ASPH: variants seen among roughly 807,000 people sequenced by gnomAD.
ASPH encodes the protein aspartyl/asparaginyl beta-hydroxylase.
ASPH carries 100 observed loss-of-function variants against 118.4 expected under a neutral mutation model. The ratio of observed to expected loss-of-function variants is 0.84; its 90% CI spans 0.72 to 1.00. The LOEUF (loss-of-function observed/expected upper bound fraction) is 1.00. Among genes scored for constraint, ASPH ranks in the 50% least tolerant of loss-of-function variants. ASPH has a pLI of 0.00. For missense variants in ASPH, 920 were observed against 919.5 expected (o/e 1.00, Z -0.01); for synonymous variants, 315 against 325.6 (o/e 0.97, Z 0.35).
chr8:61,682,490 G>A (rs752362100), intron 2 of ASPH: 42 of 1,611,644 alleles, frequency 2.6e-5, no homozygotes, highest in Non-Finnish European at 3.3e-5. Flanking sequence ...TTGGCTGCAT[G>A]CATGTAAAAA....
chr8:61,676,037 G>A, intron 3 of ASPH: 1 of 1,595,002 alleles, frequency 6.3e-7, no homozygotes, highest in Non-Finnish European at 8.5e-7. Context: ...GCTGCTTCAG[G>A]TGTTCATTAG....
intron 14 of ASPH, among the ~76,000 whole-genome samples, chr8:61,607,857 A>G (rs2133795734): frequency 6.6e-6 from 1 of 152,362 alleles, no homozygotes; most frequent in South Asian, 2.1e-4. Context: ...CCCCACATAC[A>G]TGATGAGGAT....
chr8:61,579,865 T>C (rs1471178188), intron 15 of ASPH, among the ~76,000 whole-genome samples: 5 of 143,622 alleles, frequency 3.5e-5, no homozygotes, highest in Admixed American at 2.7e-4. Context: ...ATTCAATTGC[T>C]TTTTTTTGGT....
chr8:61,673,559 C>T, intron 3 of ASPH, among the ~76,000 whole-genome samples: 1 of 152,230 alleles, frequency 6.6e-6, no homozygotes, highest in South Asian at 2.1e-4. Flanking sequence ...TACAGTATAA[C>T]TTAAAATTCC....
intron 14 of ASPH, among the ~76,000 whole-genome samples, chr8:61,588,906 G>T (rs980500252): frequency 6.6e-6 from 1 of 152,152 alleles, no homozygotes; most frequent in Non-Finnish European, 1.5e-5. Flanking sequence ...ACAATCTGTG[G>T]TATATCCAAA....
chr8:61,664,614 G>A, intron 3 of ASPH: 5 of 986,592 alleles, frequency 5.1e-6, no homozygotes, highest in Non-Finnish European at 6.0e-6. Flanking sequence ...GGTGAGGTGA[G>A]GAGTGAAGGA....
chr8:61,517,915 G>A, intron 23 of ASPH, 117 bp downstream of exon 23: 1 of 1,173,350 alleles, frequency 8.5e-7, no homozygotes, highest in Non-Finnish European at 1.2e-6. Flanking sequence ...CAGTAAAAAG[G>A]GCATGTAAAA....
chr8:61,566,902 G>C lies in ASPH; in HGVS notation c.1300+266C>G, dbSNP rs1272188608. Among the ~76,000 whole-genome samples, 5 of 152,094 alleles carry C rather than the reference G, an allele frequency of 3.3e-5. No homozygotes were observed. In the East Asian group the frequency reaches 9.6e-4, roughly 29 times the overall value. On this transcript the variant is annotated intron_variant, in intron 17 of 24. Coordinates refer to ENST00000379454, the MANE Select transcript of ASPH (RefSeq NM_004318.4). ...TATAAATACAACTTTTAGATACCCT[G>C]GGAAATCAAAAAATTTGTGTAACTC...
rs1408976250 is a variant in ASPH, at chr8:61,676,465, T to C, written c.322+4503A>G. The C allele has an allele frequency of 1.7e-5, 13 of 753,716 alleles. No individual in the cohort carries two copies. The Admixed American group carries it at 3.8e-4, about 22-fold the overall frequency. The allele number at this position is 753,716 out of a possible 1,614,324, so 46.7% of individuals were successfully genotyped here. A position where few individuals can be genotyped will look rare whatever the true frequency, so the allele number is the denominator to read the frequency against. On this transcript the variant is annotated intron_variant, in intron 3 of 24. Coordinates refer to ENST00000379454, the MANE Select transcript of ASPH (RefSeq NM_004318.4). ...GGTATTTGGAAAATAAAGAAGTCCA[T>C]TAAAATGCACACCTTACAATCAACT...
intron 1 of ASPH, among the ~76,000 whole-genome samples, chr8:61,693,280 G>T (rs1414672954): frequency 6.6e-6 from 1 of 152,068 alleles, no homozygotes; most frequent in Non-Finnish European, 1.5e-5. Context: ...CATCATAAAC[G>T]CAACCTAATT....
chr8:61,555,031 C>T (rs1386595818), intron 19 of ASPH, among the ~76,000 whole-genome samples: 1 of 152,104 alleles, frequency 6.6e-6, no homozygotes, highest in African/African-American at 2.4e-5. Context: ...GAAAATTCTA[C>T]TGGGAAGCCC....
At chr8:61,504,927 C>T (rs1410431853) in intron 24 of ASPH, among the ~76,000 whole-genome samples, 1 of 152,182 alleles carries the variant, frequency 6.6e-6, no homozygotes, top group Non-Finnish European at 1.5e-5. Flanking sequence ...TGAACCTCTA[C>T]TTCTACTACC....
At chr8:61,517,713 A>G (rs1811423156) in intron 23 of ASPH, 52 bp from the exon 24 acceptor site, 1 of 1,586,122 alleles carries the variant, frequency 6.3e-7, no homozygotes, top group Non-Finnish European at 8.6e-7. Context: ...GTGTGGAGGA[A>G]CTGCTAAGTT....
chr8:61,616,937 G>GTGT (rs1375860223), intron 14 of ASPH, among the ~76,000 whole-genome samples: 4 of 152,284 alleles, frequency 2.6e-5, no homozygotes, highest in Non-Finnish European at 5.9e-5. Context: ...AACAATTCCT[G>GTGT]GCATGTAGTT....
chr8:61,664,016 A>G, intron 3 of ASPH: 1 of 884,760 alleles, frequency 1.1e-6, no homozygotes, highest in African/African-American at 1.8e-5. Context: ...TCTTAGTGGT[A>G]GCATTTTTGA....
Position 61,646,046 on chromosome 8 carries a change from A to G in ASPH, c.619+704T>C, listed in dbSNP as rs1588587949. On this transcript the variant is annotated intron_variant, in intron 6 of 24. Coordinates refer to ENST00000379454, the MANE Select transcript of ASPH (RefSeq NM_004318.4). ...TAAAAAATTTAAAAATTGGCAGGGCATGGTAGCATATGCCTGTGGTTCCAG... is the reference window on the plus strand; with the variant it reads ...TAAAAAATTTAAAAATTGGCAGGGCGTGGTAGCATATGCCTGTGGTTCCAG... 2.0e-5 allele frequency among the ~76,000 whole-genome samples: 3 copies of G among 152,302 alleles called. No individual in the cohort carries two copies. The South Asian group carries it at 6.2e-4, about 32-fold the overall frequency.
At chr8:61,574,519 T>G (rs1434730488) in intron 16 of ASPH, among the ~76,000 whole-genome samples, 2 of 99,070 alleles carry the variant, frequency 2.0e-5, no homozygotes, top group Non-Finnish European at 5.8e-5. Flanking sequence ...TATGCAGCCA[T>G]AAAAACGGAT....
intron 14 of ASPH, among the ~76,000 whole-genome samples, chr8:61,602,771 T>C (rs1844416180): frequency 6.8e-6 from 1 of 147,658 alleles, no homozygotes; most frequent in African/African-American, 2.7e-5. Context: ...GGTTTTACAG[T>C]TTCATACATG....
intron 3 of ASPH, among the ~76,000 whole-genome samples, chr8:61,679,225 C>G (rs1209763529): frequency 6.6e-6 from 1 of 152,130 alleles, no homozygotes; most frequent in Non-Finnish European, 1.5e-5. Context: ...TTTATCTGAT[C>G]TGTCTTTATG....
Sources: allele counts gnomAD v4.1 joint callset (sites outside exome capture counted in the v4.1 genomes callset), GRCh38; gene constraint gnomAD v4.1.1; transcripts MANE v1.5; gene names NCBI Gene and HGNC (gene_info 2026-07-23, HGNC 2026-07-21).